The following TIAM1 variants were observed in gnomAD, a reference collection of about 807,000 sequenced individuals.
TIAM1 encodes TIAM Rac1 associated GEF 1, also known as rho guanine nucleotide exchange factor TIAM1.
A neutral mutation model predicts 163.5 loss-of-function variants in TIAM1; 65 were observed. The ratio of observed to expected loss-of-function variants is 0.40; its 90% CI spans 0.33 to 0.49. The LOEUF (loss-of-function observed/expected upper bound fraction) is 0.49, where lower values mean the gene tolerates loss of function less well. TIAM1 is among the 20% of genes least tolerant of loss of function. TIAM1 has a pLI of 0.77. For missense variants in TIAM1, 1,789 were observed against 2,044.7 expected, an observed-to-expected ratio of 0.87 and a Z score of 2.41; for synonymous variants, 833 against 810.1, an observed-to-expected ratio of 1.03 and a Z score of -0.48.
Position 31,152,642 on chromosome 21 carries a change from T to C in TIAM1, c.3360A>G (p.Gln1120=). ...PDLEKLEKVD[Q]FKKVLFSLGG... is the part of the protein sequence containing the mutation. ...GCAGCTTTGCACTATTTACCTTAAATTGATCAACCTTCTCAAGCTTTTCCA... is the reference window on the plus strand; with the variant it reads ...GCAGCTTTGCACTATTTACCTTAAACTGATCAACCTTCTCAAGCTTTTCCA... The change falls in exon 19 of 28, where the codon CAA becomes CAG. Residue 1120 remains glutamine (Q), a synonymous_variant. Transcript: ENST00000541036. The C allele has an allele frequency of 6.2e-7, 1 of 1,614,166 alleles. No individual in the cohort carries two copies. The highest frequency in any genetic ancestry group is 8.5e-7 in the Non-Finnish European group (1 of 1,180,020).
rs1205564394 is a variant in TIAM1, at chr21:31,504,369, G to A, written c.-421-40334C>T. Among the ~76,000 whole-genome samples the A allele has an allele frequency of 7.9e-5, 12 of 152,280 alleles. No individual in the cohort carries two copies. In the East Asian group the frequency reaches 2.1e-3, roughly 27 times the overall value. ...AACCCTTTGGGGTAATTCATTCCCC[G>A]ATACTTTTCAAGGATGGGCTGCCAC... On this transcript the variant is annotated intron_variant, in intron 1 of 28. Coordinates refer to the TIAM1 transcript ENST00000286827.
chr21:31,134,352 A>G (rs551308157), intron 23 of TIAM1, among the ~76,000 whole-genome samples: 1 of 152,242 alleles, frequency 6.6e-6, no homozygotes, highest in South Asian at 2.1e-4. Context: ...AGAAATCACT[A>G]TAGAAGAAAC....
intron 2 of TIAM1, among the ~76,000 whole-genome samples, chr21:31,358,977 C>G (rs939887586): frequency 9.2e-5 from 14 of 152,160 alleles, no homozygotes; most frequent in Non-Finnish European, 2.9e-5. Flanking sequence ...CCACTGAAGC[C>G]ACACTTGGCC....
intron 6 of TIAM1, among the ~76,000 whole-genome samples, chr21:31,243,542 C>A (rs774623565): frequency 2.0e-5 from 3 of 151,996 alleles, no homozygotes; most frequent in African/African-American, 4.8e-5. Flanking sequence ...AACACATGCA[C>A]ACAAATCTAC....
At chr21:31,460,788 T>C (rs1332471623) in intron 2 of TIAM1, among the ~76,000 whole-genome samples, 1 of 152,252 alleles carries the variant, frequency 6.6e-6, no homozygotes, top group African/African-American at 2.4e-5. Context: ...TAAAACAGAA[T>C]CTTTGGTAAG....
chr21:31,521,745 A>AACACACACACACAC (rs35006738), intron 1 of TIAM1, among the ~76,000 whole-genome samples: 7,655 of 146,864 alleles, frequency 0.052, 240 homozygotes, highest in Middle Eastern at 0.069. Flanking sequence ...CTCACACACA[A>AACACACACACACAC]ACACACACAC....
At chr21:31,388,644 C>A (rs1175629991) in intron 2 of TIAM1, among the ~76,000 whole-genome samples, 1 of 150,184 alleles carries the variant, frequency 6.7e-6, no homozygotes, top group East Asian at 1.9e-4. Context: ...GGTGACTGAG[C>A]AAAACCTTGT....
chr21:31,184,043 G>T (rs545945206), intron 14 of TIAM1, among the ~76,000 whole-genome samples: 2 of 152,236 alleles, frequency 1.3e-5, no homozygotes, highest in East Asian at 3.9e-4. Context: ...CTGTCTCCCG[G>T]GTTCTCCCAT....
chr21:31,385,886 T>TATAATTAATTAGTTGAG (rs2076861508), intron 2 of TIAM1, among the ~76,000 whole-genome samples: 1 of 146,328 alleles, frequency 6.8e-6, no homozygotes, highest in South Asian at 2.1e-4. Flanking sequence ...TATTAGTTAA[T>TATAATTAATTAGTTGAG]ATAATTATAT....
At chr21:31,165,365 A>G (rs1448006736) in intron 15 of TIAM1, among the ~76,000 whole-genome samples, 3 of 152,210 alleles carry the variant, frequency 2.0e-5, no homozygotes, top group Admixed American at 2.0e-4. Context: ...AATAGTAGTT[A>G]GAAGAGGGAT....
Position 31,120,425 on chromosome 21 carries a change from G to A in TIAM1, c.4719C>T (p.Val1573=). 6.2e-7 allele frequency: 1 copy of A among 1,614,140 alleles called. No individual in the cohort carries two copies. Among genetic ancestry groups the A allele is most frequent in the Non-Finnish European group, 8.5e-7 (1 of 1,180,028 alleles). The part of the protein sequence containing the change: ...NGGLESASEE[V]IWVRREDFAP... ...CAAAGTCTTCACGCCTAACCCAAAT[G>A]ACTTCCTCGCTTGCGCTCTCCAGGC... Residue 1573 remains valine (V), a synonymous_variant, in exon 28 of 28, where the codon GTC becomes GTT. Coordinates refer to ENST00000541036, the MANE Select transcript of TIAM1 (RefSeq NM_001353694.2). This position sits in a 1 kb window ranked among gnomAD's most constrained non-coding sequence, Gnocchi z 4.2.
In TIAM1 at chr21:31,141,805, T is replaced by C. The variant is rs557961295; in HGVS notation, c.3476-301A>G. 5.7e-4 allele frequency among the ~76,000 whole-genome samples: 86 copies of C among 152,200 alleles called. No individual in the cohort carries two copies. The highest frequency in any genetic ancestry group is 2.0e-3 in the African/African-American group (82 of 41,518). On this transcript the variant is annotated intron_variant, in intron 20 of 27. Coordinates refer to ENST00000541036, the MANE Select transcript of TIAM1 (RefSeq NM_001353694.2). This position sits in a 1 kb window ranked among gnomAD's most constrained non-coding sequence, Gnocchi z 4.7. ...CTCTTTATCCTCCTCCTATTACACATGTTTTTTTATCCTGATGTTTTGACA... is the reference window on the plus strand; with the variant it reads ...CTCTTTATCCTCCTCCTATTACACACGTTTTTTTATCCTGATGTTTTGACA...
At chr21:31,444,276 C>T (rs538077276) in intron 2 of TIAM1, among the ~76,000 whole-genome samples, 16 of 152,122 alleles carry the variant, frequency 1.1e-4, no homozygotes, top group Non-Finnish European at 1.9e-4. Flanking sequence ...CACGGCGTGG[C>T]GCTGAGTCAG....
rs2087742118 is a variant in TIAM1 at position 31,223,408 on chromosome 21, G to A, written c.1993C>T (p.Leu665=). The change falls in exon 8 of 28, where the codon CTG becomes TTG. Residue 665 remains leucine (L), a splice_region_variant and synonymous_variant. Coordinates refer to ENST00000541036, the MANE Select transcript of TIAM1 (RefSeq NM_001353694.2). Reference sequence around the variant, plus strand: ...AAAATTCATTAGCTTCTACTCACCAGGGCATGAAACGATGATACCGAAAAG... The same window carrying A: ...AAAATTCATTAGCTTCTACTCACCAAGGCATGAAACGATGATACCGAAAAG... ...GIFSVSSFHA[L]VAARTGETGV... 1.2e-6 allele frequency: 2 copies of A among 1,610,172 alleles called. No homozygotes were observed. Among genetic ancestry groups the A allele is most frequent in the Admixed American group, 1.7e-5 (1 of 59,534 alleles).
At chr21:31,151,667 T>C (rs866158618) in intron 19 of TIAM1, among the ~76,000 whole-genome samples, 1 of 151,772 alleles carries the variant, frequency 6.6e-6, no homozygotes, top group African/African-American at 2.4e-5. Flanking sequence ...TTCATAGGGG[T>C]GTGTGTGTGT....
At chr21:31,367,751 C>T (rs1452385972) in intron 2 of TIAM1, among the ~76,000 whole-genome samples, 2 of 152,184 alleles carry the variant, frequency 1.3e-5, no homozygotes, top group Middle Eastern at 3.2e-3. Flanking sequence ...CAGTCCTTGA[C>T]AGACTCATTC....
In TIAM1 at chr21:31,266,961, T is replaced by C. The variant is rs1435315240; in HGVS notation, c.12A>G (p.Ala4=). The change falls in exon 4 of 28, where the codon GCA becomes GCG. Residue 4 remains alanine (A), a synonymous_variant. Transcript: ENST00000541036. ...ACTCGTGCTCTACATGTTGACTTTC[T>C]GCGTTTCCCATGGTTTTATGGTCTG... MGN[A]ESQHVEHEFY... is the part of the protein sequence containing the mutation. 1 of 1,602,930 alleles carries C rather than the reference T, an allele frequency of 6.2e-7. No homozygotes were observed. The highest frequency in any genetic ancestry group is 1.3e-5 in the African/African-American group (1 of 74,770).
rs1179611834 is a variant in TIAM1 at position 31,466,023 on chromosome 21, A to AT, written c.-421-1989dup. 2.6e-5 allele frequency among the ~76,000 whole-genome samples: 4 copies of AT among 152,326 alleles called. No individual in the cohort carries two copies. The East Asian group carries it at 7.7e-4, about 29-fold the overall frequency. ...GCCCGGCCTTCTTACAGGTCTTGATATTCAGGCGAGGTTGAACTAGAGGTC... is the reference window on the plus strand; with the variant it reads ...GCCCGGCCTTCTTACAGGTCTTGATATTTCAGGCGAGGTTGAACTAGAGGTC... On this transcript the variant is annotated intron_variant, in intron 1 of 28. Transcript: ENST00000286827.
chr21:31,174,792 C>A (rs920220206), intron 15 of TIAM1, among the ~76,000 whole-genome samples: 2 of 152,010 alleles, frequency 1.3e-5, no homozygotes, highest in Non-Finnish European at 2.9e-5. Flanking sequence ...GGATTACAGG[C>A]ACCTGCCACC....
Sources: gnomAD v4.1 joint callset for allele counts (sites outside exome capture counted in the v4.1 genomes callset) on GRCh38, gnomAD v4.1.1 for gene constraint, Gnocchi (gnomAD v3.1) non-coding constraint, MANE v1.5 for transcripts, NCBI Gene and HGNC (gene_info 2026-07-23, HGNC 2026-07-21) for gene names.